Variants in WNK4 observed in about 807,000 individuals in gnomAD.
WNK4 encodes serine/threonine-protein kinase WNK4.
WNK4 carries 94 observed loss-of-function variants against 116.2 expected under a neutral mutation model. The observed-to-expected ratio is 0.81, with a 90% CI of 0.68 to 0.96. The LOEUF is 0.96. Among genes scored for constraint, WNK4 ranks in the 40% least tolerant of loss-of-function variants. WNK4 has a pLI of 0.00. For missense variants in WNK4, 1,542 were observed against 1,650.6 expected (o/e 0.93, Z 1.14); for synonymous variants, 655 against 672.7 (o/e 0.97, Z 0.41).
intron 12 of WNK4, 55 bp from the exon 13 acceptor site, chr17:42,794,559 T>A: frequency 6.2e-7 from 1 of 1,600,226 alleles, no homozygotes; most frequent in Non-Finnish European, 8.6e-7. Context: ...TCTGACACCT[T>A]CCATCTCAGA....
chr17:42,782,983 C>T lies in WNK4; in HGVS notation c.791+53C>T, dbSNP rs77707114. The T allele has an allele frequency of 5.1e-4, 820 of 1,596,938 alleles. 13 individuals carry two copies. In the East Asian group the frequency reaches 0.018, roughly 36 times the overall value. On this transcript the variant is annotated intron_variant, in intron 2 of 18. Coordinates refer to ENST00000246914, the MANE Select transcript of WNK4 (RefSeq NM_032387.5). The surrounding 1 kb of genome is among the most constrained non-coding windows in gnomAD (Gnocchi z 4.2). ...AGAGGGAGGCTGGGATGTGTGCCCA[C>T]TGCTTCCTGAACTCCCAGGCTCCTC...
chr17:42,795,878 G>C lies in WNK4; in HGVS notation c.3276G>C (p.Lys1092Asn). Residue 1092 changes from lysine (K) to asparagine (N), a missense_variant, in exon 16 of 19, where the codon AAG becomes AAC. Physicochemically the swap from Lys to Asn is moderately conservative, Grantham distance 94. Transcript: ENST00000246914. The part of the protein sequence containing the change: ...AGVEEEGDDG[K>N]EPQVGGSPQP... ...TTGAGGAGGAAGGAGATGATGGGAA[G>C]GAACCCCAAGTTGGGGGCAGCCCCC... is the stretch of plus-strand genomic sequence containing the variant. 1.2e-6 allele frequency: 2 copies of C among 1,612,108 alleles called. No homozygotes were observed. The highest frequency in any genetic ancestry group is 2.7e-5 in the African/African-American group (2 of 74,954).
intron 11 of WNK4, among the ~76,000 whole-genome samples, chr17:42,791,639 C>CA (rs112159075): frequency 0.04 from 4,741 of 119,282 alleles, 125 homozygotes; most frequent in South Asian, 0.13. Flanking sequence ...AACTCTGTCT[C>CA]AAAAAAAAAA....
In WNK4 at chr17:42,784,696, C is replaced by A. The variant is rs1597895942; in HGVS notation, c.1170+117C>A. On this transcript the variant is annotated intron_variant, in intron 4 of 18. Coordinates refer to ENST00000246914, the MANE Select transcript of WNK4 (RefSeq NM_032387.5). The surrounding 1 kb of genome is among the most constrained non-coding windows in gnomAD (Gnocchi z 4.4). ...CACGAAAACAGGCTAGACACAGAGT[C>A]GCCTTGGTGAACACAGAAGGATATT... 1.5e-6 allele frequency: 2 copies of A among 1,356,196 alleles called. No individual in the cohort carries two copies. Among genetic ancestry groups the A allele is most frequent in the South Asian group, 2.5e-5 (2 of 80,258 alleles). The allele number at this position is 1,356,196 out of a possible 1,614,324, so 84.0% of individuals were successfully genotyped here. A position where few individuals can be genotyped will look rare whatever the true frequency, so the allele number is the denominator to read the frequency against.
At position 42,793,617 on chromosome 17, in the gene WNK4, C is replaced by T. The variant is rs1387533241; in HGVS notation, c.2183C>T (p.Ser728Leu). The change falls in exon 12 of 19, where the codon TCG becomes TTG. Residue 728 changes from serine to leucine, a missense_variant. Transcript: ENST00000246914. The stretch of plus-strand genomic sequence containing the variant: ...GTATATAACGAGTTCATTCTGCCTT[C>T]GGAGCGAGATGGATTTCTCAGACGG... ...AMVYNEFILP[S>L]ERDGFLRRIR... is the part of the protein sequence containing the mutation. 18 of 1,613,946 alleles carry T rather than the reference C, an allele frequency of 1.1e-5. No homozygotes were observed. The highest frequency in any genetic ancestry group is 2.2e-5 in the East Asian group (1 of 44,878).
In WNK4 at chr17:42,784,640, C is replaced by T. The variant is rs1373260104; in HGVS notation, c.1170+61C>T. Reference sequence around the variant, plus strand: ...AGGGCCACTTCCCCTTTTCCTGCGCCGGCCAGCCCGCAGTCAATGCCCTTT... The same window carrying T: ...AGGGCCACTTCCCCTTTTCCTGCGCTGGCCAGCCCGCAGTCAATGCCCTTT... On this transcript the variant is annotated intron_variant, in intron 4 of 18. Coordinates refer to ENST00000246914, the MANE Select transcript of WNK4 (RefSeq NM_032387.5). This position sits in a 1 kb window ranked among gnomAD's most constrained non-coding sequence, Gnocchi z 4.4. 5 of 1,601,106 alleles carry T rather than the reference C, an allele frequency of 3.1e-6. No individual in the cohort carries two copies. The highest frequency in any genetic ancestry group is 2.2e-5 in the East Asian group (1 of 44,450).
In WNK4 at chr17:42,785,159, C is replaced by T. The variant is rs1370863363; in HGVS notation, c.1233C>T (p.Gly411=). Residue 411 remains glycine, a synonymous_variant, in exon 5 of 19, where the codon GGC becomes GGT. Coordinates refer to ENST00000246914, the MANE Select transcript of WNK4 (RefSeq NM_032387.5). ...KIPEVKEIIE[G]CIRTDKNERF... ...CCGAGGTGAAGGAGATCATTGAAGG[C>T]TGCATCCGCACGGATAAGAACGAGA... The T allele has an allele frequency of 6.2e-7, 1 of 1,613,912 alleles. No individual in the cohort carries two copies. Among genetic ancestry groups the T allele is most frequent in the African/African-American group, 1.3e-5 (1 of 74,956 alleles).
chr17:42,782,133 C>A lies in WNK4; in HGVS notation c.619-625C>A, dbSNP rs2054489940. On this transcript the variant is annotated intron_variant, in intron 1 of 18. Coordinates refer to ENST00000246914, the MANE Select transcript of WNK4 (RefSeq NM_032387.5). This position sits in a 1 kb window ranked among gnomAD's most constrained non-coding sequence, Gnocchi z 4.2. ...CTCTCCAGCCCTGGCACAGGGCTCG[C>A]CCCTTGCGCCTGCCAGTGCCGCGCC... Among the ~76,000 whole-genome samples the A allele has an allele frequency of 6.6e-6, 1 of 152,190 alleles. No individual in the cohort carries two copies. Among genetic ancestry groups the A allele is most frequent in the African/African-American group, 2.4e-5 (1 of 41,444 alleles).
At chr17:42,787,596 C>G in intron 7 of WNK4, 54 bp downstream of exon 7, 17 of 1,608,904 alleles carry the variant, frequency 1.1e-5, no homozygotes, top group Non-Finnish European at 9.3e-6. Context: ...GGCCTCTGCC[C>G]CCTACCCAGA....
In WNK4 at chr17:42,795,070, T is replaced by C. The variant is rs770858418; in HGVS notation, c.2649T>C (p.Ser883=). 10 of 1,613,844 alleles carry C rather than the reference T, an allele frequency of 6.2e-6. No homozygotes were observed. The African/African-American group carries it at 1.1e-4, about 17-fold the overall frequency. The change falls in exon 14 of 19, where the codon TCT becomes TCC. Residue 883 remains serine, a synonymous_variant. Coordinates refer to ENST00000246914, the MANE Select transcript of WNK4 (RefSeq NM_032387.5). ...PVPLSQCPWS[S]LPTTSPPTFS... is the part of the protein sequence containing the mutation. ...CACTCTCTCAGTGTCCCTGGAGTTC[T>C]CTCCCCACGACTTCTCCACCTACGT...
intron 7 of WNK4, 25 bp downstream of exon 7, chr17:42,787,567 G>T (rs149418520): frequency 1.2e-6 from 2 of 1,612,080 alleles, no homozygotes; most frequent in African/African-American, 2.7e-5. Context: ...ATCTTGAGAC[G>T]TAGGTCCCAG....
chr17:42,787,873 GC>G lies in WNK4; in HGVS notation c.1838del (p.Ala613ValfsTer48). 6.2e-7 allele frequency: 1 copy of G among 1,611,124 alleles called. No homozygotes were observed. Among genetic ancestry groups the G allele is most frequent in the Admixed American group, 1.7e-5 (1 of 60,024 alleles). On this transcript the variant is annotated frameshift_variant, in exon 8 of 19. Transcript: ENST00000246914. LOFTEE classifies it high-confidence loss of function. ...CCCTGGGGGGGTGCCATCCAGCCTG[GC>G]TGAGTCCCATCTCTGCCTGCCCTCG... ...QPPGGVPSSL[A>X]ESHLCLPSAF...
chr17:42,793,982 A>G (rs1235236628), intron 12 of WNK4: 2 of 439,954 alleles, frequency 4.5e-6, no homozygotes, highest in African/African-American at 2.0e-5. Flanking sequence ...CCTCCCGAGT[A>G]GCTGGGACTA....
intron 10 of WNK4, 129 bp downstream of exon 10, chr17:42,788,536 C>G: frequency 8.3e-7 from 1 of 1,198,878 alleles, no homozygotes; most frequent in Non-Finnish European, 1.2e-6. Flanking sequence ...GGCGGCCAGT[C>G]TGGTTTCTAA....
Position 42,783,964 on chromosome 17 carries a change from G to T in WNK4, c.819G>T (p.Lys273Asn). 1 of 1,613,834 alleles carries T rather than the reference G, an allele frequency of 6.2e-7. No individual in the cohort carries two copies. Among genetic ancestry groups the T allele is most frequent in the Non-Finnish European group, 8.5e-7 (1 of 1,179,966 alleles). The stretch of plus-strand genomic sequence containing the variant: ...ACCTGAGGCGGTTCCGGGAGATGAA[G>T]CCGCGGGTCCTTCAGCGCTGGAGCC... ...KTYLRRFREM[K>N]PRVLQRWSRQ... The change falls in exon 3 of 19, where the codon AAG (lysine) becomes AAT (asparagine). Residue 273 changes from lysine (K) to asparagine (N), a missense_variant. Coordinates refer to ENST00000246914, the MANE Select transcript of WNK4 (RefSeq NM_032387.5).
intron 15 of WNK4, 47 bp from the exon 16 acceptor site, chr17:42,795,578 T>C (rs967285557): frequency 1.9e-6 from 3 of 1,614,238 alleles, no homozygotes; most frequent in Non-Finnish European, 2.5e-6. Flanking sequence ...CTGTCTGTCC[T>C]GTCACTGCTC....
chr17:42,790,750 T>C (rs569485798), intron 11 of WNK4, among the ~76,000 whole-genome samples: 36 of 152,076 alleles, frequency 2.4e-4, no homozygotes, highest in African/African-American at 8.0e-4. Flanking sequence ...ACACTGGCTT[T>C]TGTTAGGAGA....
Position 42,781,140 on chromosome 17 carries a change from C to T in WNK4, c.442C>T (p.Leu148=), listed in dbSNP as rs985741150. 11 of 1,614,154 alleles carry T rather than the reference C, an allele frequency of 6.8e-6. No homozygotes were observed. The highest frequency in any genetic ancestry group is 9.3e-6 in the Non-Finnish European group (11 of 1,180,026). ...GCTAAGGGTCCCTGAAGCTGTGGCC[C>T]TAGAGCGGCGGCGGGAGCAGGAAGA... The part of the protein sequence containing the change: ...EPLRVPEAVA[L]ERRREQEEKE... Residue 148 remains leucine, a synonymous_variant, in exon 1 of 19, where the codon CTA becomes TTA. Transcript: ENST00000246914.
At position 42,794,628 on chromosome 17, in the gene WNK4, A is replaced by G. The variant is rs1597903569; in HGVS notation, c.2310A>G (p.Pro770=). 1 of 1,613,910 alleles carries G rather than the reference A, an allele frequency of 6.2e-7. No individual in the cohort carries two copies. The highest frequency in any genetic ancestry group is 2.2e-5 in the East Asian group (1 of 44,870). The change falls in exon 13 of 19, where the codon CCA becomes CCG. Residue 770 remains proline (P), a synonymous_variant. Transcript: ENST00000246914. The part of the protein sequence containing the change: ...DTLSPQEEPA[P]LPALPVPLPD... Reference sequence around the variant, plus strand: ...TTCTGCCTCAGGAGGAGCCAGCACCATTACCTGCCCTGCCCGTCCCCCTCC... The same window carrying G: ...TTCTGCCTCAGGAGGAGCCAGCACCGTTACCTGCCCTGCCCGTCCCCCTCC...
Sources: gnomAD v4.1 joint callset for allele counts (sites outside exome capture counted in the v4.1 genomes callset) on GRCh38, gnomAD v4.1.1 for gene constraint, Gnocchi (gnomAD v3.1) non-coding constraint, MANE v1.5 for transcripts, NCBI Gene and HGNC (gene_info 2026-07-23, HGNC 2026-07-21) for gene names.